Variants in ATXN2 observed in about 807,000 individuals in gnomAD.
ATXN2 encodes the protein ataxin-2.
ATXN2 carries 37 observed loss-of-function variants against 138.6 expected under a neutral mutation model. The observed-to-expected ratio is 0.27, with a 90% CI of 0.21 to 0.35. The LOEUF is 0.35. Ranked by LOEUF, ATXN2 falls within the 10% of genes least tolerant of loss-of-function variation. The probability of loss-of-function intolerance (pLI) is 1.00; values close to 1 mark genes in which losing one functional copy is unlikely to be tolerated. For missense variants in ATXN2, 1,216 were observed against 1,480.3 expected (o/e 0.82, Z 2.93); for synonymous variants, 549 against 543.7 (o/e 1.01, Z -0.13).
intron 1 of ATXN2, among the ~76,000 whole-genome samples, chr12:111,587,720 C>T (rs1336170689): frequency 6.6e-6 from 1 of 151,970 alleles, no homozygotes; most frequent in Non-Finnish European, 1.5e-5. Context: ...CCTCTCAAGG[C>T]AATGGTTTCA....
At chr12:111,534,534 T>C (rs192730483) in intron 5 of ATXN2, among the ~76,000 whole-genome samples, 5 of 152,130 alleles carry the variant, frequency 3.3e-5, no homozygotes, top group African/African-American at 1.2e-4. Context: ...CTTAATTCTA[T>C]AAATTTGTTT....
intron 3 of ATXN2, among the ~76,000 whole-genome samples, chr12:111,553,471 G>A (rs1278344440): frequency 7.5e-6 from 1 of 132,878 alleles, no homozygotes; most frequent in Non-Finnish European, 1.5e-5. Flanking sequence ...CTAATATAAT[G>A]TAAATGCTAT....
At chr12:111,599,526 C>A, upstream of ATXN2, 6 of 1,207,774 alleles carry the variant, frequency 5.0e-6, no homozygotes, top group Non-Finnish European at 6.2e-6. Context: ...GGAGGGCGGG[C>A]GCGCCGAGGC....
intron 10 of ATXN2, among the ~76,000 whole-genome samples, chr12:111,514,940 TAATA>T (rs770044744): frequency 6.6e-6 from 1 of 152,252 alleles, no homozygotes; most frequent in Non-Finnish European, 1.5e-5. Flanking sequence ...AATCTTAATG[TAATA>T]AAGATGTTCA....
chr12:111,464,761 AT>A, intron 20 of ATXN2, 46 bp from the exon 21 acceptor site: 1 of 1,454,358 alleles, frequency 6.9e-7, no homozygotes, highest in Non-Finnish European at 9.5e-7. Context: ...TGAGGTGTGC[AT>A]TTTCCAAATT....
At chr12:111,549,203 A>G (rs1449252863) in intron 5 of ATXN2, among the ~76,000 whole-genome samples, 1 of 152,162 alleles carries the variant, frequency 6.6e-6, no homozygotes, top group Non-Finnish European at 1.5e-5. Flanking sequence ...ACCCAGCATT[A>G]AGAAGCATTG....
Position 111,511,460 on chromosome 12 carries a change from AT to A in ATXN2, c.1559-879del, listed in dbSNP as rs149802960. The A allele has an allele frequency of 4.0e-3, 574 of 141,848 alleles. 1 individual carries two copies. The highest frequency in any genetic ancestry group is 0.011 in the Middle Eastern group (3 of 262). 8.8% of individuals were successfully genotyped at this position (141,848 alleles called of 1,614,324 possible). A position where few individuals can be genotyped will look rare whatever the true frequency, so the allele number is the denominator to read the frequency against. ...AAGATTAACAGAATAGCTGAAGCAG[AT>A]TTTTTTTTTTTTTTTTGAAATGGAG... On this transcript the variant is annotated intron_variant, in intron 11 of 24. Coordinates refer to ENST00000673436, the MANE Select transcript of ATXN2 (RefSeq NM_001372574.1).
At chr12:111,536,445 A>G (rs773325271) in intron 5 of ATXN2, among the ~76,000 whole-genome samples, 6 of 152,196 alleles carry the variant, frequency 3.9e-5, no homozygotes, top group South Asian at 2.1e-4. Flanking sequence ...GAGACAGACA[A>G]TAACAAATGC....
In ATXN2 at chr12:111,598,709, CG is replaced by C; in HGVS notation, c.251+74del. ...CCGGGTAGCCCGGCGGGTCACGGGG[CG>C]GGGACGGCGGCGCGGGCCGCGGGGG... On this transcript the variant is annotated intron_variant, in intron 1 of 24. Transcript: ENST00000673436. The surrounding 1 kb of genome is among the most constrained non-coding windows in gnomAD (Gnocchi z 4.5). 3 of 762,340 alleles carry C rather than the reference CG, an allele frequency of 3.9e-6. No individual in the cohort carries two copies. The highest frequency in any genetic ancestry group is 6.6e-5 in the South Asian group (1 of 15,194). The allele number at this position is 762,340 out of a possible 1,614,324, so 47.2% of individuals were successfully genotyped here.
At chr12:111,491,168 A>T (rs4456327) in intron 14 of ATXN2, among the ~76,000 whole-genome samples, 1 of 151,960 alleles carries the variant, frequency 6.6e-6, no homozygotes, top group Non-Finnish European at 1.5e-5. Context: ...TAGGAGAATT[A>T]TTTGAACCCG....
intron 5 of ATXN2, among the ~76,000 whole-genome samples, chr12:111,551,804 A>C (rs972395010): frequency 1.3e-5 from 2 of 152,208 alleles, no homozygotes; most frequent in Non-Finnish European, 2.9e-5. Context: ...TTGTTTTCCA[A>C]CAAAAATGCA....
intron 14 of ATXN2, among the ~76,000 whole-genome samples, chr12:111,491,956 G>A (rs112572869): frequency 7.2e-5 from 11 of 152,194 alleles, no homozygotes; most frequent in African/African-American, 2.6e-4. Context: ...GACACACCCT[G>A]GGCCAGAAGG....
At chr12:111,587,655 CA>C (rs71083182) in intron 1 of ATXN2, among the ~76,000 whole-genome samples, 6 of 149,918 alleles carry the variant, frequency 4.0e-5, no homozygotes, top group Non-Finnish European at 7.4e-5. Context: ...GACTCAGTCT[CA>C]AAAAAAAGGA....
Position 111,518,350 on chromosome 12 carries a change from C to A in ATXN2, c.1064G>T (p.Arg355Leu). 1 of 1,613,448 alleles carries A rather than the reference C, an allele frequency of 6.2e-7. No homozygotes were observed. The highest frequency in any genetic ancestry group is 1.1e-5 in the South Asian group (1 of 90,990). ...GGAGCCCGATCCAGGCTGGCCCATA[C>A]GCGGTGAATTCTGTCTCCCACTTCC... ...SWGSGRQNSP[R>L]MGQPGSGSMP... Residue 355 changes from arginine (R) to leucine (L), a missense_variant, in exon 9 of 25, where the codon CGT becomes CTT. This residue lies in a region of ATXN2 where 401 missense variants were observed against 528.1 expected (regional missense o/e 0.76). Coordinates refer to ENST00000673436, the MANE Select transcript of ATXN2 (RefSeq NM_001372574.1).
At position 111,541,029 on chromosome 12, in the gene ATXN2, G is replaced by A. The variant is rs566920272; in HGVS notation, c.571+11251C>T. 4.0e-5 allele frequency among the ~76,000 whole-genome samples: 6 copies of A among 150,052 alleles called. 1 individual carries two copies. Among genetic ancestry groups the A allele is most frequent in the South Asian group, 4.2e-4 (2 of 4,746 alleles). ...TAATCTCTTTATAATCAAAGGTATC[G>A]ATCTTTTACTTCATGATTTTTTTGC... On this transcript the variant is annotated intron_variant, in intron 5 of 24. Coordinates refer to ENST00000673436, the MANE Select transcript of ATXN2 (RefSeq NM_001372574.1).
At chr12:111,586,665 G>A (rs1330032109) in intron 1 of ATXN2, among the ~76,000 whole-genome samples, 1 of 150,760 alleles carries the variant, frequency 6.6e-6, no homozygotes. Flanking sequence ...GGATTACAGG[G>A]GTGAGCCACC....
At chr12:111,505,850 A>G (rs1050890568) in intron 14 of ATXN2, among the ~76,000 whole-genome samples, 2 of 152,232 alleles carry the variant, frequency 1.3e-5, no homozygotes, top group East Asian at 3.9e-4. Flanking sequence ...TAGGTACACA[A>G]AAGAAATGAA....
At chr12:111,476,249 G>A (rs1207666318) in intron 18 of ATXN2, among the ~76,000 whole-genome samples, 2 of 152,048 alleles carry the variant, frequency 1.3e-5, no homozygotes, top group African/African-American at 2.4e-5. Flanking sequence ...CACTGTTCCT[G>A]GTCAATATGA....
At chr12:111,566,999 TA>T (rs1198141476) in intron 1 of ATXN2, among the ~76,000 whole-genome samples, 2 of 152,112 alleles carry the variant, frequency 1.3e-5, no homozygotes, top group Non-Finnish European at 2.9e-5. Context: ...GTAGAGCAAG[TA>T]ACTGCAGATG....
Sources: allele counts gnomAD v4.1 joint callset (sites outside exome capture counted in the v4.1 genomes callset), GRCh38; gene constraint gnomAD v4.1.1; regional missense constraint gnomAD v4.1.1; non-coding constraint Gnocchi (gnomAD v3.1); transcripts MANE v1.5; gene names NCBI Gene and HGNC (gene_info 2026-07-23, HGNC 2026-07-21).